Variants in DISP3 observed in about 807,000 individuals in gnomAD.
DISP3 encodes dispatched RND transporter family member 3.
In DISP3, 101 loss-of-function variants were observed where a neutral mutation model predicts 135.3. The ratio of observed to expected loss-of-function variants is 0.75; its 90% CI spans 0.64 to 0.88. DISP3 has a LOEUF of 0.88. Ranked by LOEUF, DISP3 falls within the 40% of genes least tolerant of loss-of-function variation. The probability of loss-of-function intolerance (pLI) is 0.00; values close to 1 mark genes in which losing one functional copy is unlikely to be tolerated. For missense variants in DISP3, 1,713 were observed against 1,878.6 expected, an observed-to-expected ratio of 0.91 and a Z score of 1.63; for synonymous variants, 856 against 817.0, an observed-to-expected ratio of 1.05 and a Z score of -0.81.
intron 3 of DISP3, among the ~76,000 whole-genome samples, chr1:11,510,383 T>TGTATCTTCA: frequency 6.6e-6 from 1 of 152,238 alleles, no homozygotes; most frequent in East Asian, 1.9e-4. Context: ...ATTATTACAG[T>TGTATCTTCA]GTATCTTCAA....
chr1:11,506,936 G>A (rs938954568), intron 3 of DISP3, among the ~76,000 whole-genome samples: 5 of 152,128 alleles, frequency 3.3e-5, no homozygotes, highest in Non-Finnish European at 4.4e-5. Context: ...TGAGTAGCTA[G>A]GTCTACAGGC....
intron 3 of DISP3, among the ~76,000 whole-genome samples, chr1:11,507,380 A>T (rs764557233): frequency 3.9e-5 from 6 of 152,058 alleles, no homozygotes; most frequent in Non-Finnish European, 7.4e-5. Context: ...AAAAGCTGCT[A>T]AAAAAAATCA....
rs759365897 is a variant in DISP3, at chr1:11,501,035, G to A, written c.43G>A (p.Glu15Lys). Residue 15 changes from glutamate (E) to lysine (K), a missense_variant, in exon 2 of 21, where the codon GAG becomes AAG. Glu to Lys is a moderately conservative substitution (Grantham distance 56, BLOSUM62 1). Coordinates refer to ENST00000294484, the MANE Select transcript of DISP3 (RefSeq NM_020780.2). The surrounding 1 kb of genome is among the most constrained non-coding windows in gnomAD (Gnocchi z 4.9). ...CCCCTTGCTGCAGGATGTGTGGCTA[G>A]AGGAGGAGCAGGAGGAGGAAGAAGC... ...DDPLLQDVWLEEEQEEEEATG... is the reference protein window; with the variant it reads ...DDPLLQDVWLKEEQEEEEATG... 1.2e-6 allele frequency: 2 copies of A among 1,614,050 alleles called. No homozygotes were observed. Among genetic ancestry groups the A allele is most frequent in the African/African-American group, 2.7e-5 (2 of 74,938 alleles).
intron 1 of DISP3, among the ~76,000 whole-genome samples, chr1:11,488,682 C>T (rs1570057299): frequency 1.3e-5 from 2 of 151,698 alleles, no homozygotes; most frequent in East Asian, 3.9e-4. Context: ...CAGACACGTG[C>T]GTGCATGCAT....
chr1:11,515,851 G>C, intron 5 of DISP3, 150 bp from the exon 6 acceptor site: 1 of 943,854 alleles, frequency 1.1e-6, no homozygotes, highest in African/African-American at 1.7e-5. Flanking sequence ...GAGCCAATCA[G>C]AGGGGTCTCT....
rs368259493 is a variant in DISP3 at position 11,526,834 on chromosome 1, C to T, written c.2797C>T (p.Arg933Trp). Residue 933 changes from arginine to tryptophan, a missense_variant and splice_region_variant, in exon 13 of 21, where the codon CGG (arginine) becomes TGG (tryptophan). Coordinates refer to ENST00000294484, the MANE Select transcript of DISP3 (RefSeq NM_020780.2). ...YVATKEQQHTRKLYFAQSHKP... is the reference protein window; with the variant it reads ...YVATKEQQHTWKLYFAQSHKP... ...GGCCACCAAGGAGCAGCAGCACACC[C>T]GGTAACAGAGCCTGGCAGACAAGCC... The T allele has an allele frequency of 8.1e-5, 129 of 1,597,998 alleles. No homozygotes were observed. Among genetic ancestry groups the T allele is most frequent in the African/African-American group, 6.4e-4 (48 of 74,798 alleles).
Position 11,531,716 on chromosome 1 carries a change from C to T in DISP3, c.3375+6C>T. 4 of 1,590,036 alleles carry T rather than the reference C, an allele frequency of 2.5e-6. No homozygotes were observed. The highest frequency in any genetic ancestry group is 3.4e-6 in the Non-Finnish European group (4 of 1,167,286). On this transcript the variant is annotated splice_donor_region_variant and intron_variant, in intron 17 of 20. Coordinates refer to ENST00000294484, the MANE Select transcript of DISP3 (RefSeq NM_020780.2). This position sits in a 1 kb window ranked among gnomAD's most constrained non-coding sequence, Gnocchi z 5.2. ...TCTCCATGGCTTTCGAGTCGGTGAG[C>T]CCAGGCAGCCTCACTGGGTGCCATG...
intron 7 of DISP3, among the ~76,000 whole-genome samples, chr1:11,518,374 A>G (rs1457205272): frequency 6.6e-6 from 1 of 152,230 alleles, no homozygotes; most frequent in Non-Finnish European, 1.5e-5. Flanking sequence ...CCCCACTCAC[A>G]TCTTCACCCT....
chr1:11,479,869 A>C (rs2100337751), intron 1 of DISP3, among the ~76,000 whole-genome samples: 1 of 150,826 alleles, frequency 6.6e-6, no homozygotes, highest in South Asian at 2.1e-4. Context: ...TCGGAGGGAC[A>C]TTTCCCCGAT....
chr1:11,535,162 G>C, intron 19 of DISP3, 38 bp downstream of exon 19: 1 of 1,545,164 alleles, frequency 6.5e-7, no homozygotes, highest in South Asian at 1.2e-5. Context: ...CCTGCTGGTA[G>C]GGACGGGAAC....
At chr1:11,511,128 G>C (rs1641845518) in intron 3 of DISP3, among the ~76,000 whole-genome samples, 1 of 152,164 alleles carries the variant, frequency 6.6e-6, no homozygotes, top group Non-Finnish European at 1.5e-5. Context: ...TTCAAGTTGA[G>C]ATTTAGGTCA....
In DISP3 at chr1:11,536,421, T is replaced by C. The variant is rs753956116; in HGVS notation, c.3914T>C (p.Val1305Ala). The C allele has an allele frequency of 2.5e-6, 4 of 1,613,182 alleles. No homozygotes were observed. In the Admixed American group the frequency reaches 5.0e-5, roughly 20 times the overall value. Residue 1305 changes from valine (V) to alanine (A), a missense_variant, in exon 21 of 21, where the codon GTG becomes GCG. This residue lies in a region of DISP3 where 1,142 missense variants were observed against 1,384.6 expected (regional missense o/e 0.82). Coordinates refer to ENST00000294484, the MANE Select transcript of DISP3 (RefSeq NM_020780.2). The surrounding 1 kb of genome is among the most constrained non-coding windows in gnomAD (Gnocchi z 4.3). The part of the protein sequence containing the change: ...SSALTTVIAT[V>A]PLFFCIIAPF... Reference sequence around the variant, plus strand: ...GCCCTCACCACGGTCATCGCCACAGTGCCCCTCTTCTTCTGCATCATCGCC... The same window carrying C: ...GCCCTCACCACGGTCATCGCCACAGCGCCCCTCTTCTTCTGCATCATCGCC...
intron 1 of DISP3, among the ~76,000 whole-genome samples, chr1:11,485,875 C>T (rs1033651373): frequency 1.3e-5 from 2 of 152,134 alleles, no homozygotes; most frequent in African/African-American, 4.8e-5. Flanking sequence ...GGAGATGGGA[C>T]CCAGCTGCCA....
At chr1:11,533,997 A>G (rs976742498) in intron 17 of DISP3, among the ~76,000 whole-genome samples, 6 of 152,178 alleles carry the variant, frequency 3.9e-5, no homozygotes, top group African/African-American at 1.4e-4. Flanking sequence ...TGGAGACACT[A>G]AGGAGGCCCA....
chr1:11,518,771 T>A (rs1406598564), intron 7 of DISP3, among the ~76,000 whole-genome samples: 1 of 152,104 alleles, frequency 6.6e-6, no homozygotes, highest in Non-Finnish European at 1.5e-5. Context: ...TGGGTTCATC[T>A]GTGTGTGAGT....
At position 11,534,501 on chromosome 1, in the gene DISP3, A is replaced by G. The variant is rs1323711996; in HGVS notation, c.3496A>G (p.Thr1166Ala). ...EGSVLRRGFQTCEHWKQIFME... is the reference protein window; with the variant it reads ...EGSVLRRGFQACEHWKQIFME... Reference sequence around the variant, plus strand: ...CTCAGTCCTGCGCCGGGGCTTCCAGACCTGCGAGCACTGGAAGCAGATATT... The same window carrying G: ...CTCAGTCCTGCGCCGGGGCTTCCAGGCCTGCGAGCACTGGAAGCAGATATT... Residue 1166 changes from threonine (T) to alanine (A), a missense_variant, in exon 18 of 21, where the codon ACC becomes GCC. Thr to Ala is a moderately conservative substitution (Grantham distance 58). This residue lies in a region of DISP3 where 1,142 missense variants were observed against 1,384.6 expected (regional missense o/e 0.82). Coordinates refer to ENST00000294484, the MANE Select transcript of DISP3 (RefSeq NM_020780.2). 1.3e-5 allele frequency: 21 copies of G among 1,612,538 alleles called. No individual in the cohort carries two copies. Among genetic ancestry groups the G allele is most frequent in the Non-Finnish European group, 1.8e-5 (21 of 1,179,052 alleles).
rs767597771 is a variant in DISP3, at chr1:11,530,995, A to C, written c.3191A>C (p.Glu1064Ala). The change falls in exon 16 of 21, where the codon GAG (glutamate) becomes GCG (alanine). Residue 1064 changes from glutamate to alanine, a missense_variant. Glu to Ala is a moderately radical substitution (Grantham distance 107). This residue lies in a region of DISP3 where 1,142 missense variants were observed against 1,384.6 expected (regional missense o/e 0.82). Transcript: ENST00000294484. ...HLCKAIAANSELVKPGGAQCL... is the reference protein window; with the variant it reads ...HLCKAIAANSALVKPGGAQCL... ...TGCAAGGCCATCGCAGCCAACTCCG[A>C]GCTGGTGAAGCCGGGTGGGGCCCAG... The C allele has an allele frequency of 6.8e-6, 11 of 1,613,858 alleles. No homozygotes were observed. In the East Asian group the frequency reaches 2.5e-4, roughly 36 times the overall value.
chr1:11,517,717 G>T (rs762222420), intron 7 of DISP3, 115 bp downstream of exon 7: 2 of 1,343,520 alleles, frequency 1.5e-6, no homozygotes, highest in East Asian at 2.5e-5. Context: ...CCTTTGCTAG[G>T]CAGGGAACAG....
rs1056244142 is a variant in DISP3 at position 11,483,043 on chromosome 1, C to T, written c.-4+3671C>T. ...CGCATTTCACGGGCAGACAGTGCGG[C>T]TCACGCTGCAGCTGCCCAACAAAGG... On this transcript the variant is annotated intron_variant, in intron 1 of 20. Coordinates refer to ENST00000294484, the MANE Select transcript of DISP3 (RefSeq NM_020780.2). This position sits in a 1 kb window ranked among gnomAD's most constrained non-coding sequence, Gnocchi z 5.4. Among the ~76,000 whole-genome samples, 2 of 152,262 alleles carry T rather than the reference C, an allele frequency of 1.3e-5. No individual in the cohort carries two copies. Among genetic ancestry groups the T allele is most frequent in the African/African-American group, 4.8e-5 (2 of 41,458 alleles).
Sources: allele counts gnomAD v4.1 joint callset (sites outside exome capture counted in the v4.1 genomes callset), GRCh38; gene constraint gnomAD v4.1.1; regional missense constraint gnomAD v4.1.1; non-coding constraint Gnocchi (gnomAD v3.1); transcripts MANE v1.5; gene names NCBI Gene and HGNC (gene_info 2026-07-23, HGNC 2026-07-21).